FRMD4A: variants seen among roughly 807,000 people sequenced by gnomAD.
The protein encoded by FRMD4A is FERM domain containing 4A.
In FRMD4A, 29 loss-of-function variants were observed where a neutral mutation model predicts 129.1. That is an observed-to-expected ratio of 0.22 (90% confidence interval 0.17 to 0.31). The LOEUF is 0.31. Ranked by LOEUF, FRMD4A falls within the 10% of genes least tolerant of loss-of-function variation. FRMD4A has a pLI of 1.00. For missense variants in FRMD4A, 1,272 were observed against 1,375.8 expected, an observed-to-expected ratio of 0.92 and a Z score of 1.19; for synonymous variants, 634 against 571.6, an observed-to-expected ratio of 1.11 and a Z score of -1.56.
chr10:13,855,637 T>C (rs776676980), intron 3 of FRMD4A, among the ~76,000 whole-genome samples: 32 of 152,226 alleles, frequency 2.1e-4, no homozygotes, highest in Non-Finnish European at 4.3e-4. Context: ...TCTGAAATTA[T>C]TCTTAACAAT....
intron 2 of FRMD4A, among the ~76,000 whole-genome samples, chr10:14,296,818 G>T (rs917332040): frequency 6.6e-6 from 1 of 152,128 alleles, no homozygotes; most frequent in Non-Finnish European, 1.5e-5. Context: ...GGGAGGAAGA[G>T]CAAAGGGAAA....
At chr10:14,053,907 C>G (rs907514814) in intron 2 of FRMD4A, among the ~76,000 whole-genome samples, 1 of 152,156 alleles carries the variant, frequency 6.6e-6, no homozygotes, top group Non-Finnish European at 1.5e-5. Context: ...GGTGTCCCAG[C>G]TACGCAGGAG....
intron 2 of FRMD4A, among the ~76,000 whole-genome samples, chr10:14,163,758 C>T (rs1466843646): frequency 2.0e-5 from 3 of 152,218 alleles, no homozygotes; most frequent in African/African-American, 7.2e-5. Flanking sequence ...AACAGAATTA[C>T]TGCAAATAAA....
At chr10:14,143,787 G>T (rs960287037) in intron 2 of FRMD4A, among the ~76,000 whole-genome samples, 1 of 151,912 alleles carries the variant, frequency 6.6e-6, no homozygotes, top group South Asian at 2.1e-4. Context: ...GCTAACTTTT[G>T]TATGTTTGTA....
At chr10:14,134,668 G>T (rs555122243) in intron 2 of FRMD4A, among the ~76,000 whole-genome samples, 1 of 150,214 alleles carries the variant, frequency 6.7e-6, no homozygotes, top group Non-Finnish European at 1.5e-5. Context: ...GATAGATGGG[G>T]GTACAAATGA....
chr10:13,887,722 C>T (rs949584426), intron 2 of FRMD4A, among the ~76,000 whole-genome samples: 1 of 152,044 alleles, frequency 6.6e-6, no homozygotes, highest in African/African-American at 2.4e-5. Flanking sequence ...ACTCATTAGC[C>T]CCCCAAATAA....
At chr10:13,771,621 A>T (rs2092455967) in intron 6 of FRMD4A, among the ~76,000 whole-genome samples, 1 of 152,200 alleles carries the variant, frequency 6.6e-6, no homozygotes, top group African/African-American at 2.4e-5. Flanking sequence ...GAGCTTAAAA[A>T]TCCACTCAGA....
intron 2 of FRMD4A, among the ~76,000 whole-genome samples, chr10:13,863,319 C>T (rs950391958): frequency 3.3e-5 from 5 of 152,086 alleles, no homozygotes; most frequent in African/African-American, 9.7e-5. Flanking sequence ...TGGTGGCTCA[C>T]GCCTGTAATC....
At chr10:14,013,585 C>A (rs1361843304) in intron 2 of FRMD4A, among the ~76,000 whole-genome samples, 1 of 152,160 alleles carries the variant, frequency 6.6e-6, no homozygotes, top group Non-Finnish European at 1.5e-5. Context: ...ACCCACAAGG[C>A]ACCCTGCAAG....
chr10:13,714,310 G>T (rs961641084), intron 12 of FRMD4A, among the ~76,000 whole-genome samples: 3 of 151,096 alleles, frequency 2.0e-5, no homozygotes, highest in Non-Finnish European at 4.4e-5. Context: ...TGATCCACTC[G>T]CCTTGGCTTC....
At chr10:13,811,890 T>TC (rs11458470) in intron 3 of FRMD4A, among the ~76,000 whole-genome samples, 1 of 151,074 alleles carries the variant, frequency 6.6e-6, no homozygotes, top group African/African-American at 2.4e-5. Context: ...GTTGGTTTTT[T>TC]TTTTTTTTTT....
At chr10:13,847,795 C>A (rs2094075027) in intron 3 of FRMD4A, among the ~76,000 whole-genome samples, 1 of 152,246 alleles carries the variant, frequency 6.6e-6, no homozygotes, top group Admixed American at 6.5e-5. Context: ...CACCTCTAGA[C>A]AGGAACTCCT....
rs1481645526 is a variant in FRMD4A at position 13,932,572 on chromosome 10, C to T, written c.46-73660G>A. On this transcript the variant is annotated intron_variant, in intron 2 of 24. Coordinates refer to ENST00000357447, the MANE Select transcript of FRMD4A (RefSeq NM_018027.5). The stretch of plus-strand genomic sequence containing the variant: ...TTGTGTTGCCTTCCTTAATCACCAG[C>T]CAATACTGTTGGTTCATTTTCAACT... Among the ~76,000 whole-genome samples, 4 of 152,152 alleles carry T rather than the reference C, an allele frequency of 2.6e-5. No individual in the cohort carries two copies. In the East Asian group the frequency reaches 5.8e-4, roughly 22 times the overall value.
chr10:13,787,040 T>G (rs1386848693), intron 5 of FRMD4A, among the ~76,000 whole-genome samples: 1 of 152,198 alleles, frequency 6.6e-6, no homozygotes. Flanking sequence ...TGGCAAATTC[T>G]ACATCTCTGT....
intron 12 of FRMD4A, among the ~76,000 whole-genome samples, chr10:13,709,463 A>G (rs2087796164): frequency 6.6e-6 from 1 of 152,234 alleles, no homozygotes; most frequent in Non-Finnish European, 1.5e-5. Flanking sequence ...TTGCAGATTA[A>G]AAGAGAGTAA....
intron 2 of FRMD4A, among the ~76,000 whole-genome samples, chr10:13,873,836 G>A (rs113590639): frequency 4.9e-4 from 75 of 151,684 alleles, no homozygotes; most frequent in African/African-American, 1.6e-3. Context: ...CTGAGCCACC[G>A]TACCTAGTCA....
At chr10:13,887,403 G>C (rs548355159) in intron 2 of FRMD4A, among the ~76,000 whole-genome samples, 11 of 152,180 alleles carry the variant, frequency 7.2e-5, no homozygotes, top group African/African-American at 2.7e-4. Context: ...AACTGAGGCC[G>C]GGGGCGGTGG....
At chr10:13,739,511 G>A (rs2135048729) in intron 11 of FRMD4A, among the ~76,000 whole-genome samples, 1 of 152,330 alleles carries the variant, frequency 6.6e-6, no homozygotes, top group Non-Finnish European at 1.5e-5. Flanking sequence ...ATGCTTTGAG[G>A]TTCTAAGTGC....
At position 13,706,437 on chromosome 10, in the gene FRMD4A, T is replaced by C. The variant is rs1039194222; in HGVS notation, c.836+600A>G. 5.9e-5 allele frequency among the ~76,000 whole-genome samples: 9 copies of C among 152,130 alleles called. No homozygotes were observed. The South Asian group carries it at 1.9e-3, about 32-fold the overall frequency. ...TCTGACTTAAGAGTACAGGGACTTT[T>C]TACAACCCTGGTGCTCTCTGGGGTA... On this transcript the variant is annotated intron_variant, in intron 13 of 24. Transcript: ENST00000357447.
Sources: gnomAD v4.1 joint callset for allele counts (sites outside exome capture counted in the v4.1 genomes callset) on GRCh38, gnomAD v4.1.1 for gene constraint, MANE v1.5 for transcripts, NCBI Gene and HGNC (gene_info 2026-07-23, HGNC 2026-07-21) for gene names.